Variants in POTEE observed in about 807,000 individuals in gnomAD.
POTEE encodes POTE ankyrin domain family member E, also known as ANKRD26-like family C member 1A.
POTEE carries 21 observed loss-of-function variants against 74.2 expected under a neutral mutation model. The observed-to-expected ratio is 0.28, with a 90% CI of 0.20 to 0.41. The LOEUF (loss-of-function observed/expected upper bound fraction) is 0.41. POTEE is among the 10% of genes least tolerant of loss of function. POTEE has a pLI of 1.00. For synonymous variants in POTEE, 211 were observed against 432.8 expected (o/e 0.49, Z 6.36); for missense variants, 525 against 1,158.6 (o/e 0.45, Z 7.94).
chr2:131,216,812 TTATTA>T (rs1700452203), intron 2 of POTEE, among the ~76,000 whole-genome samples: 1 of 151,672 alleles, frequency 6.6e-6, no homozygotes, highest in Non-Finnish European at 1.5e-5. Flanking sequence ...CGTAACTATA[TTATTA>T]TGATTCCACT....
chr2:131,256,886 T>TG (rs1273567167), intron 16 of POTEE, among the ~76,000 whole-genome samples: 1 of 152,424 alleles, frequency 6.6e-6, no homozygotes, highest in East Asian at 1.9e-4. Context: ...GAGATTCAAT[T>TG]GGGAACATAC....
chr2:131,214,600 TTAAA>T (rs1421903688), intron 2 of POTEE, among the ~76,000 whole-genome samples: 3 of 152,056 alleles, frequency 2.0e-5, no homozygotes, highest in African/African-American at 4.8e-5. Flanking sequence ...ATGAAAGCTC[TTAAA>T]TATTTTGTAA....
Position 131,260,282 on chromosome 2 carries a change from T to C in POTEE, c.1779-1444T>C, listed in dbSNP as rs1039418928. ...ACATATTTGTTCCTTTTGCTTGATA[T>C]GTCTGTTGCTGTTCAGGCTCTTTTG... On this transcript the variant is annotated intron_variant, in intron 16 of 17. Coordinates refer to ENST00000683005, the MANE Select transcript of POTEE (RefSeq NM_001083538.3). Among the ~76,000 whole-genome samples the C allele has an allele frequency of 8.7e-5, 13 of 149,764 alleles. 1 individual carries two copies. The highest frequency in any genetic ancestry group is 2.0e-4 in the African/African-American group (8 of 39,280).
chr2:131,210,304 G>C (rs1260172645), intron 1 of POTEE, among the ~76,000 whole-genome samples: 1 of 116,904 alleles, frequency 8.6e-6, no homozygotes, highest in Non-Finnish European at 1.8e-5. Flanking sequence ...GGGCACTATC[G>C]GGTGCTACAC....
intron 4 of POTEE, among the ~76,000 whole-genome samples, chr2:131,222,240 G>A (rs1204120549): frequency 6.6e-6 from 1 of 152,224 alleles, no homozygotes; most frequent in African/African-American, 2.4e-5. Flanking sequence ...AAGAAGGAAC[G>A]AGAGCATGTC....
intron 16 of POTEE, among the ~76,000 whole-genome samples, chr2:131,253,562 C>T (rs1331812345): frequency 2.8e-5 from 1 of 36,070 alleles, no homozygotes; most frequent in Non-Finnish European, 7.4e-5. Flanking sequence ...GTTTAGTTCC[C>T]GCTAATGAGT....
Position 131,224,377 on chromosome 2 carries a change from G to A in POTEE, c.810+334G>A, listed in dbSNP as rs890122281. On this transcript the variant is annotated intron_variant, in intron 6 of 17. Transcript: ENST00000683005. ...AAATGGCAAAATTTGCCCTGAAATA[G>A]GTTTTACATGAAAACTCCAAGAAAA... Among the ~76,000 whole-genome samples, 26 of 144,336 alleles carry A rather than the reference G, an allele frequency of 1.8e-4. No homozygotes were observed. In the East Asian group the frequency reaches 4.8e-3, roughly 27 times the overall value. The allele number at this position is 144,336 out of a possible 152,430, so 94.7% of individuals were successfully genotyped here.
chr2:131,222,007 T>G (rs866486686), intron 4 of POTEE, among the ~76,000 whole-genome samples: 75 of 152,408 alleles, frequency 4.9e-4, no homozygotes, highest in African/African-American at 1.7e-3. Flanking sequence ...TCTGCTGGGC[T>G]TGAGCAAGCT....
At chr2:131,209,971 T>C (rs1236084522) in intron 1 of POTEE, among the ~76,000 whole-genome samples, 152 bp downstream of exon 1, 3 of 106,246 alleles carry the variant, frequency 2.8e-5, no homozygotes, top group Non-Finnish European at 5.4e-5. Context: ...GGGGCGGTTT[T>C]GGCTGGCTGT....
chr2:131,211,963 C>G (rs578084714), intron 2 of POTEE, among the ~76,000 whole-genome samples: 1 of 151,952 alleles, frequency 6.6e-6, no homozygotes, highest in Non-Finnish European at 1.5e-5. Context: ...TGCACCTGTT[C>G]TTTTTGCTTT....
Position 131,255,601 on chromosome 2 carries a change from G to A in POTEE, c.1778+2502G>A, listed in dbSNP as rs1309197141. 1.6e-4 allele frequency among the ~76,000 whole-genome samples: 4 copies of A among 24,364 alleles called. 1 individual carries two copies. The highest frequency in any genetic ancestry group is 5.0e-4 in the African/African-American group (4 of 7,952). 16.0% of individuals were successfully genotyped at this position (24,364 alleles called of 152,430 possible). A position where few individuals can be genotyped will look rare whatever the true frequency, so the allele number is the denominator to read the frequency against. Reference sequence around the variant, plus strand: ...TTTTTTTTTTTTAAGACAGAGTCTCGCTTTGTCCCCCAGGCTGGAGTTCAG... The same window carrying A: ...TTTTTTTTTTTTAAGACAGAGTCTCACTTTGTCCCCCAGGCTGGAGTTCAG... On this transcript the variant is annotated intron_variant, in intron 16 of 17. Coordinates refer to ENST00000683005, the MANE Select transcript of POTEE (RefSeq NM_001083538.3).
At chr2:131,215,480 T>C (rs150714749) in intron 2 of POTEE, among the ~76,000 whole-genome samples, 1 of 151,858 alleles carries the variant, frequency 6.6e-6, no homozygotes, top group African/African-American at 2.4e-5. Flanking sequence ...TTTCAAGACT[T>C]ACGCTAGAAC....
Position 131,263,404 on chromosome 2 carries a change from C to T in POTEE, c.1949C>T (p.Thr650Met), listed in dbSNP as rs533201832. The change falls in exon 18 of 18, where the codon ACG becomes ATG. Residue 650 changes from threonine to methionine, a missense_variant. Physicochemically the swap from Thr to Met is moderately conservative, Grantham distance 81. Transcript: ENST00000683005. Reference sequence around the variant, plus strand: ...AAAGACGTCTTGCATGAAAATAGTACGTTGCGGGAAGAAATTGCCATGCTA... The same window carrying T: ...AAAGACGTCTTGCATGAAAATAGTATGTTGCGGGAAGAAATTGCCATGCTA... The part of the protein sequence containing the change: ...KEKDVLHENS[T>M]LREEIAMLRL... 514 of 1,611,564 alleles carry T rather than the reference C, an allele frequency of 3.2e-4. 4 individuals are homozygous for T. In the Admixed American group the frequency reaches 4.8e-3, roughly 15 times the overall value.
In POTEE at chr2:131,210,598, G is replaced by A. The variant is rs1431554498; in HGVS notation, c.-344-430G>A. ...AGGGCAGGGCCCCCACACCCACTGC[G>A]GTTCTCCGGCCTGCACCTCCCGCCC... On this transcript the variant is annotated intron_variant, in intron 1 of 17. Transcript: ENST00000683005. Among the ~76,000 whole-genome samples, 5 of 151,956 alleles carry A rather than the reference G, an allele frequency of 3.3e-5. No homozygotes were observed. In the East Asian group the frequency reaches 7.7e-4, roughly 23 times the overall value.
chr2:131,229,628 A>G, intron 8 of POTEE: 1 of 152,194 alleles, frequency 6.6e-6, no homozygotes, highest in Non-Finnish European at 1.5e-5. Context: ...GGCGGCACAT[A>G]TCCTAAAATT....
In POTEE at chr2:131,218,611, C is replaced by T. The variant is rs745963280; in HGVS notation, c.209C>T (p.Pro70Leu). 1 of 1,611,726 alleles carries T rather than the reference C, an allele frequency of 6.2e-7. No individual in the cohort carries two copies. Among genetic ancestry groups the T allele is most frequent in the Non-Finnish European group, 8.5e-7 (1 of 1,179,506 alleles). The stretch of plus-strand genomic sequence containing the variant: ...GGCAAGTGGTGCCACCACTGCTTCC[C>T]CTGCTGCAGGGGGAGTGGCAAGAGC... Reference protein sequence around the residue: ...KMGKWCHHCFPCCRGSGKSNV... With the variant: ...KMGKWCHHCFLCCRGSGKSNV... The change falls in exon 4 of 18, where the codon CCC becomes CTC. Residue 70 changes from proline (P) to leucine (L), a missense_variant. By Grantham distance (98) the Pro-to-Leu change is moderately conservative. Coordinates refer to ENST00000683005, the MANE Select transcript of POTEE (RefSeq NM_001083538.3).
intron 6 of POTEE, among the ~76,000 whole-genome samples, chr2:131,226,201 GTTA>G (rs1329997106): frequency 6.7e-6 from 1 of 150,230 alleles, no homozygotes; most frequent in Non-Finnish European, 1.5e-5. Flanking sequence ...AAACCATGGA[GTTA>G]TTAAGAATAC....
chr2:131,262,808 T>A (rs1399366164), intron 17 of POTEE, among the ~76,000 whole-genome samples: 1 of 152,292 alleles, frequency 6.6e-6, no homozygotes, highest in Non-Finnish European at 1.5e-5. Context: ...GTAATTCTTA[T>A]AACTGAGTAT....
At chr2:131,218,084 T>C in intron 3 of POTEE, 1 of 478,642 alleles carries the variant, frequency 2.1e-6, no homozygotes. Flanking sequence ...CTTGACCTTT[T>C]CTCTGCTGGG....
Sources: allele counts gnomAD v4.1 joint callset (sites outside exome capture counted in the v4.1 genomes callset), GRCh38; gene constraint gnomAD v4.1.1; transcripts MANE v1.5; gene names NCBI Gene and HGNC (gene_info 2026-07-23, HGNC 2026-07-21).